Variants in PTPRD observed in about 807,000 individuals in gnomAD.
PTPRD encodes receptor-type tyrosine-protein phosphatase delta.
A neutral mutation model predicts 214.5 loss-of-function variants in PTPRD; 34 were observed. That is an observed-to-expected ratio of 0.16 (90% confidence interval 0.12 to 0.21). The LOEUF (loss-of-function observed/expected upper bound fraction) is 0.21. PTPRD is among the 10% of genes least tolerant of loss of function. The pLI, the probability that PTPRD is intolerant of heterozygous loss-of-function variation, is 1.00. For synonymous variants in PTPRD, 1,128 were observed against 845.7 expected (o/e 1.33, Z -5.79); for missense variants, 2,545 against 2,398.7 (o/e 1.06, Z -1.27).
intron 2 of PTPRD, among the ~76,000 whole-genome samples, chr9:10,385,874 C>G (rs1351941595): frequency 6.6e-6 from 1 of 151,628 alleles, no homozygotes; most frequent in South Asian, 2.1e-4. Context: ...TAGAACAATA[C>G]TTTTTATGAT....
chr9:10,285,663 G>C (rs10959023), intron 3 of PTPRD, among the ~76,000 whole-genome samples: 1 of 147,680 alleles, frequency 6.8e-6, no homozygotes, highest in African/African-American at 2.5e-5. Flanking sequence ...CAGGCTGGAG[G>C]GCGGTGGTGC....
intron 2 of PTPRD, among the ~76,000 whole-genome samples, chr9:10,408,658 A>G (rs1438569810): frequency 6.6e-6 from 1 of 151,690 alleles, no homozygotes; most frequent in African/African-American, 2.4e-5. Context: ...TCCCATGAAG[A>G]AAAGTGGCAG....
intron 11 of PTPRD, among the ~76,000 whole-genome samples, chr9:8,945,278 G>A (rs1013466204): frequency 1.3e-5 from 2 of 151,838 alleles, no homozygotes; most frequent in African/African-American, 4.8e-5. Context: ...CTTAAGGCCT[G>A]AATTATTAAT....
intron 11 of PTPRD, among the ~76,000 whole-genome samples, chr9:8,774,961 T>C (rs2095409753): frequency 6.6e-6 from 1 of 152,002 alleles, no homozygotes; most frequent in African/African-American, 2.4e-5. Context: ...AAAGGAAAAA[T>C]TAAAGTCTCT....
intron 3 of PTPRD, among the ~76,000 whole-genome samples, chr9:10,121,352 T>G (rs2098773844): frequency 6.6e-6 from 1 of 152,188 alleles, no homozygotes; most frequent in African/African-American, 2.4e-5. Flanking sequence ...GGAAGCAGAT[T>G]TATTTCCTAA....
intron 21 of PTPRD, among the ~76,000 whole-genome samples, chr9:8,512,703 G>T (rs1202855381): frequency 2.0e-5 from 3 of 151,848 alleles, no homozygotes; most frequent in Non-Finnish European, 4.4e-5. Context: ...ACTGTTAAAG[G>T]TATATCCATA....
At chr9:10,365,470 C>T (rs1303958218) in intron 2 of PTPRD, among the ~76,000 whole-genome samples, 1 of 152,158 alleles carries the variant, frequency 6.6e-6, no homozygotes, top group Non-Finnish European at 1.5e-5. Context: ...TCCATATTTT[C>T]AGCTTGACAG....
intron 3 of PTPRD, among the ~76,000 whole-genome samples, chr9:10,317,815 T>G (rs557684725): frequency 7.3e-4 from 111 of 152,172 alleles, no homozygotes; most frequent in African/African-American, 2.5e-3. Context: ...CTGACTATTC[T>G]ACTTACACTA....
chr9:9,035,542 G>C (rs1003093679), intron 10 of PTPRD, among the ~76,000 whole-genome samples: 1 of 151,914 alleles, frequency 6.6e-6, no homozygotes, highest in African/African-American at 2.4e-5. Flanking sequence ...CCGTCATAGG[G>C]TGTTCCCCCC....
At chr9:10,353,563 G>C (rs536649045) in intron 2 of PTPRD, among the ~76,000 whole-genome samples, 1 of 152,050 alleles carries the variant, frequency 6.6e-6, no homozygotes, top group East Asian at 1.9e-4. Context: ...TAGAGAGGAT[G>C]AGTAAAAATT....
chr9:10,079,728 G>C (rs1383301493), intron 3 of PTPRD, among the ~76,000 whole-genome samples: 58 of 152,188 alleles, frequency 3.8e-4, no homozygotes, highest in Non-Finnish European at 1.5e-5. Flanking sequence ...CTGCGAGTTG[G>C]CTTTGGATAC....
At chr9:9,530,371 G>C (rs895563388) in intron 8 of PTPRD, among the ~76,000 whole-genome samples, 1 of 152,084 alleles carries the variant, frequency 6.6e-6, no homozygotes, top group Non-Finnish European at 1.5e-5. Flanking sequence ...TATACACTAA[G>C]AAATTGGAAC....
chr9:9,172,434 C>G (rs1460805764), intron 10 of PTPRD, among the ~76,000 whole-genome samples: 1 of 152,090 alleles, frequency 6.6e-6, no homozygotes, highest in Non-Finnish European at 1.5e-5. Flanking sequence ...CTGAATAAAT[C>G]TGATTAACCC....
chr9:8,423,060 T>C (rs1311726872), intron 35 of PTPRD, among the ~76,000 whole-genome samples: 9 of 152,054 alleles, frequency 5.9e-5, no homozygotes, highest in East Asian at 5.8e-4. Context: ...AAACACAGCA[T>C]TGAGAAAACA....
chr9:10,062,461 C>A (rs920673026), intron 3 of PTPRD, among the ~76,000 whole-genome samples: 7 of 151,960 alleles, frequency 4.6e-5, no homozygotes, highest in African/African-American at 1.7e-4. Context: ...CAAAAAATAG[C>A]TGGGCGTGGT....
chr9:10,396,051 G>A (rs553459813), intron 2 of PTPRD, among the ~76,000 whole-genome samples: 12 of 151,798 alleles, frequency 7.9e-5, no homozygotes, highest in Middle Eastern at 3.4e-3. Context: ...CCTTTAGAAC[G>A]TTCCAGTTTT....
intron 9 of PTPRD, among the ~76,000 whole-genome samples, chr9:9,195,867 G>A (rs1189247258): frequency 6.6e-6 from 1 of 152,062 alleles, no homozygotes; most frequent in Non-Finnish European, 1.5e-5. Flanking sequence ...CAGAGTTATA[G>A]GCTGGTCATT....
At chr9:9,051,677 G>T (rs2099685868) in intron 10 of PTPRD, among the ~76,000 whole-genome samples, 1 of 152,092 alleles carries the variant, frequency 6.6e-6, no homozygotes, top group Non-Finnish European at 1.5e-5. Flanking sequence ...GTTGTGACAT[G>T]GTCATTAAAA....
intron 12 of PTPRD, among the ~76,000 whole-genome samples, chr9:8,677,308 GT>G (rs2097445814): frequency 6.6e-6 from 1 of 152,132 alleles, no homozygotes; most frequent in South Asian, 2.1e-4. Flanking sequence ...ATACACTGTG[GT>G]ATATATACAT....
Sources: allele counts gnomAD v4.1 joint callset (sites outside exome capture counted in the v4.1 genomes callset), GRCh38; gene constraint gnomAD v4.1.1; transcripts MANE v1.5; gene names NCBI Gene and HGNC (gene_info 2026-07-23, HGNC 2026-07-21).